The following MED4 variants were observed in gnomAD, a reference collection of about 807,000 sequenced individuals.
The protein encoded by MED4 is mediator complex subunit 4.
A neutral mutation model predicts 35.0 loss-of-function variants in MED4; 21 were observed. That is an observed-to-expected ratio of 0.60 (90% CI 0.43 to 0.86). The LOEUF is 0.86. MED4 is among the 40% of genes least tolerant of loss of function. The pLI, the probability that MED4 is intolerant of heterozygous loss-of-function variation, is 0.00. For synonymous variants in MED4, 138 were observed against 114.0 expected, an observed-to-expected ratio of 1.21 and a Z score of -1.34; for missense variants, 300 against 319.4, an observed-to-expected ratio of 0.94 and a Z score of 0.46.
chr13:48,093,656 C>T (rs1401294226), intron 1 of MED4: 5 of 458,214 alleles, frequency 1.1e-5, no homozygotes, highest in South Asian at 4.8e-5. Flanking sequence ...CCAAAGTGCT[C>T]GGATTATAGG....
Position 48,081,636 on chromosome 13 carries a change from T to C in MED4, c.508+9A>G. 6.3e-7 allele frequency: 1 copy of C among 1,596,910 alleles called. No homozygotes were observed. ...CATATATCTAGTATAATAAGACGAG[T>C]ATGTTTACCTGGAACCCAGGTCAGT... On this transcript the variant is annotated intron_variant, in intron 5 of 6. Coordinates refer to ENST00000258648, the MANE Select transcript of MED4 (RefSeq NM_014166.4).
At chr13:48,087,538 A>G (rs1193821565) in intron 2 of MED4, among the ~76,000 whole-genome samples, 5 of 151,792 alleles carry the variant, frequency 3.3e-5, no homozygotes, top group Admixed American at 2.0e-4. Flanking sequence ...TATTGTTTAC[A>G]ATGAAGATGA....
rs1376995477 is a variant in MED4 at position 48,094,938 on chromosome 13, A to G, written c.125+16T>C. 1.9e-6 allele frequency: 3 copies of G among 1,599,874 alleles called. No individual in the cohort carries two copies. Among genetic ancestry groups the G allele is most frequent in the Admixed American group, 1.7e-5 (1 of 59,844 alleles). On this transcript the variant is annotated intron_variant, in intron 1 of 6. Transcript: ENST00000258648. ...CCGGCCCAGCTCCAGCCCGGCTCTC[A>G]GGCTCGCCGCATTACCTAGACAGGA...
intron 4 of MED4, among the ~76,000 whole-genome samples, chr13:48,083,061 C>A (rs954467871): frequency 6.6e-6 from 1 of 152,194 alleles, no homozygotes; most frequent in African/African-American, 2.4e-5. Flanking sequence ...TGGTACAAAT[C>A]CCACTTCTAA....
chr13:48,084,479 T>C (rs1449580861), intron 3 of MED4, among the ~76,000 whole-genome samples: 1 of 152,200 alleles, frequency 6.6e-6, no homozygotes, highest in Non-Finnish European at 1.5e-5. Context: ...GCTCAATCAA[T>C]GTTAGTTACT....
intron 6 of MED4, 24 bp from the exon 7 acceptor site, chr13:48,077,335 T>C: frequency 6.9e-7 from 1 of 1,449,044 alleles, no homozygotes; most frequent in Non-Finnish European, 9.1e-7. Flanking sequence ...GAAGCATAGA[T>C]AAGAACAGCT....
At chr13:48,092,835 G>T (rs1950899715) in intron 1 of MED4, among the ~76,000 whole-genome samples, 1 of 152,214 alleles carries the variant, frequency 6.6e-6, no homozygotes, top group African/African-American at 2.4e-5. Flanking sequence ...GTGGGGCTAT[G>T]GTAGGAGATG....
At chr13:48,087,391 T>C (rs1327061744) in intron 2 of MED4, among the ~76,000 whole-genome samples, 1 of 152,010 alleles carries the variant, frequency 6.6e-6, no homozygotes, top group Admixed American at 6.6e-5. Flanking sequence ...ATATAAATAA[T>C]GAAAGTTCTC....
intron 1 of MED4, among the ~76,000 whole-genome samples, chr13:48,092,169 G>A (rs372591616): frequency 3.3e-5 from 5 of 152,226 alleles, no homozygotes; most frequent in African/African-American, 9.6e-5. Context: ...GTGCAATGGC[G>A]CGATCTCGGC....
At chr13:48,082,889 AG>A (rs1950820213) in intron 4 of MED4, among the ~76,000 whole-genome samples, 1 of 151,956 alleles carries the variant, frequency 6.6e-6, no homozygotes, top group East Asian at 1.9e-4. Flanking sequence ...ACAGCAGGGC[AG>A]GAAGGCATGT....
intron 6 of MED4, chr13:48,077,515 A>G: frequency 5.5e-6 from 2 of 364,878 alleles, no homozygotes; most frequent in Non-Finnish European, 9.8e-6. Flanking sequence ...AGGCTCAAGC[A>G]ATCCTCCTGC....
chr13:48,077,334 A>AT (rs1250333717), intron 6 of MED4, 23 bp from the exon 7 acceptor site: 1 of 1,452,946 alleles, frequency 6.9e-7, no homozygotes, highest in African/African-American at 1.5e-5. Flanking sequence ...AGAAGCATAG[A>AT]TAAGAACAGC....
intron 1 of MED4, among the ~76,000 whole-genome samples, chr13:48,091,741 G>A (rs1297494839): frequency 1.3e-5 from 2 of 152,206 alleles, no homozygotes; most frequent in East Asian, 1.9e-4. Context: ...GAGACAAGAA[G>A]AACTAAGAGA....
chr13:48,079,745 T>C, intron 6 of MED4, 99 bp downstream of exon 6: 2 of 1,411,388 alleles, frequency 1.4e-6, no homozygotes, highest in South Asian at 2.7e-5. Flanking sequence ...AAAAAAATTG[T>C]GTCGGGAATC....
chr13:48,080,865 T>C (rs1950803365), intron 5 of MED4, among the ~76,000 whole-genome samples: 1 of 152,200 alleles, frequency 6.6e-6, no homozygotes, highest in African/African-American at 2.4e-5. Flanking sequence ...CTAATTCGTG[T>C]AAGTGGCAAA....
Position 48,076,993 on chromosome 13 carries a change from A to T in MED4, c.*146T>A, listed in dbSNP as rs1950764255. 2 of 642,932 alleles carry T rather than the reference A, an allele frequency of 3.1e-6. No homozygotes were observed. Among genetic ancestry groups the T allele is most frequent in the East Asian group, 3.4e-5 (1 of 29,522 alleles). The allele number at this position is 642,932 out of a possible 1,614,324, so 39.8% of individuals were successfully genotyped here. A position where few individuals can be genotyped will look rare whatever the true frequency, so the allele number is the denominator to read the frequency against. On this transcript the variant is annotated 3_prime_UTR_variant, in exon 7 of 7. Transcript: ENST00000258648. ...TTGGCTTTAAAAAGAAAGTCAAAAAATTTTGACTTTTAATGACTGCACAAT... is the reference window on the plus strand; with the variant it reads ...TTGGCTTTAAAAAGAAAGTCAAAAATTTTTGACTTTTAATGACTGCACAAT...
chr13:48,094,167 AT>A (rs1394344749), intron 1 of MED4, among the ~76,000 whole-genome samples: 1 of 152,344 alleles, frequency 6.6e-6, no homozygotes, highest in African/African-American at 2.4e-5. Context: ...GCATGAGGCA[AT>A]TAAAACTGTT....
At chr13:48,086,244 T>A in intron 3 of MED4, 38 bp downstream of exon 3, 1 of 1,582,648 alleles carries the variant, frequency 6.3e-7, no homozygotes, top group Non-Finnish European at 8.6e-7. Context: ...TTAAACAACA[T>A]CCTTTTTAAC....
Position 48,076,665 on chromosome 13 carries a change from A to T in MED4, c.*474T>A, listed in dbSNP as rs1337104244. 1 of 152,404 alleles carries T rather than the reference A, an allele frequency of 6.6e-6. No individual in the cohort carries two copies. The highest frequency in any genetic ancestry group is 1.5e-5 in the Non-Finnish European group (1 of 68,172). 9.4% of individuals were successfully genotyped at this position (152,404 alleles called of 1,614,324 possible). ...TTTCCCATGCCTCCAACAGAAGCCA[A>T]GAGCCTTTACTGTCAAATGGCAGTT... On this transcript the variant is annotated 3_prime_UTR_variant, in exon 7 of 7. Coordinates refer to ENST00000258648, the MANE Select transcript of MED4 (RefSeq NM_014166.4).
Sources: allele counts gnomAD v4.1 joint callset (sites outside exome capture counted in the v4.1 genomes callset), GRCh38; gene constraint gnomAD v4.1.1; transcripts MANE v1.5; gene names NCBI Gene and HGNC (gene_info 2026-07-23, HGNC 2026-07-21).